ANKS1B: variants seen among roughly 807,000 people sequenced by gnomAD.
The protein encoded by ANKS1B is ankyrin repeat and sterile alpha motif domain-containing protein 1B.
A neutral mutation model predicts 148.3 loss-of-function variants in ANKS1B; 36 were observed. That is an observed-to-expected ratio of 0.24 (90% CI 0.19 to 0.32). The LOEUF (loss-of-function observed/expected upper bound fraction) is 0.32, where lower values mean the gene tolerates loss of function less well. Ranked by LOEUF, ANKS1B falls within the 10% of genes least tolerant of loss-of-function variation. ANKS1B has a pLI of 1.00. For synonymous variants in ANKS1B, 542 were observed against 560.8 expected (o/e 0.97, Z 0.47); for missense variants, 1,157 against 1,542.6 (o/e 0.75, Z 4.19).
chr12:98,940,549 C>T (rs1478810434), intron 17 of ANKS1B, among the ~76,000 whole-genome samples: 1 of 152,158 alleles, frequency 6.6e-6, no homozygotes, highest in East Asian at 1.9e-4. Context: ...GTGCTTGTCT[C>T]TACCAGCACT....
At chr12:99,794,881 C>T (rs181192776) in intron 4 of ANKS1B, among the ~76,000 whole-genome samples, 2 of 151,942 alleles carry the variant, frequency 1.3e-5, no homozygotes, top group Admixed American at 6.6e-5. Context: ...GGGATGGATA[C>T]TCAATTTTCC....
chr12:99,592,495 T>C (rs970462145), intron 9 of ANKS1B, among the ~76,000 whole-genome samples: 1 of 143,118 alleles, frequency 7.0e-6, no homozygotes, highest in Non-Finnish European at 1.5e-5. Flanking sequence ...AAAAAAAAGG[T>C]GAAAAGAATT....
At chr12:99,819,167 G>C (rs1356554631) in intron 2 of ANKS1B, among the ~76,000 whole-genome samples, 1 of 151,696 alleles carries the variant, frequency 6.6e-6, no homozygotes, top group Non-Finnish European at 1.5e-5. Context: ...CTCTTTAATG[G>C]GAATAAAGTT....
At chr12:99,414,344 T>TTAGA (rs1037835635) in intron 11 of ANKS1B, among the ~76,000 whole-genome samples, 2 of 152,184 alleles carry the variant, frequency 1.3e-5, no homozygotes, top group African/African-American at 4.8e-5. Context: ...CTTTCCCTTC[T>TTAGA]TAGACATCAC....
rs1007135965 is a variant in ANKS1B, at chr12:98,874,021, T to C, written c.2779-41885A>G. On this transcript the variant is annotated intron_variant, in intron 17 of 26. Transcript: ENST00000683438. ...ATGACTTGGAAACACTGTGAAAAGA[T>C]GGCTTCAGATAATGGGCCATTATCT... is the stretch of plus-strand genomic sequence containing the variant. 4.6e-5 allele frequency among the ~76,000 whole-genome samples: 7 copies of C among 152,296 alleles called. No individual in the cohort carries two copies. In the South Asian group the frequency reaches 1.0e-3, roughly 23 times the overall value.
intron 9 of ANKS1B, among the ~76,000 whole-genome samples, chr12:99,511,704 C>T (rs983604055): frequency 3.9e-5 from 6 of 152,004 alleles, no homozygotes; most frequent in Non-Finnish European, 7.4e-5. Context: ...GAACTGGTGA[C>T]AAAAACAGAC....
intron 17 of ANKS1B, among the ~76,000 whole-genome samples, chr12:98,891,058 C>A (rs2099751615): frequency 6.6e-6 from 1 of 152,174 alleles, no homozygotes; most frequent in Non-Finnish European, 1.5e-5. Flanking sequence ...CAGTTTAGTA[C>A]ATTAATTCCA....
At chr12:99,130,231 A>T (rs1219765609) in intron 15 of ANKS1B, among the ~76,000 whole-genome samples, 1 of 152,214 alleles carries the variant, frequency 6.6e-6, no homozygotes, top group Non-Finnish European at 1.5e-5. Context: ...ATTTCTTAAC[A>T]TATGATTTTG....
In ANKS1B at chr12:98,773,293, C is replaced by CT. The variant is rs1404834513; in HGVS notation, c.3442-115dup. 12 of 1,180,120 alleles carry CT rather than the reference C, an allele frequency of 1.0e-5. No homozygotes were observed. The African/African-American group carries it at 1.2e-4, about 12-fold the overall frequency. 73.1% of individuals were successfully genotyped at this position (1,180,120 alleles called of 1,614,324 possible). On this transcript the variant is annotated intron_variant, in intron 24 of 26. Coordinates refer to ENST00000683438, the MANE Select transcript of ANKS1B (RefSeq NM_001352186.2). ...TTCCTTCTTTCTGGAGTGTTCTAGACTAGCAACACTCAAAGTGGTCCACTA... is the reference window on the plus strand; with the variant it reads ...TTCCTTCTTTCTGGAGTGTTCTAGACTTAGCAACACTCAAAGTGGTCCACTA...
chr12:99,436,456 T>C (rs2095462384), intron 11 of ANKS1B, among the ~76,000 whole-genome samples: 1 of 152,078 alleles, frequency 6.6e-6, no homozygotes, highest in Non-Finnish European at 1.5e-5. Flanking sequence ...TTGAAGTTCT[T>C]TTTATTCCTT....
At chr12:98,798,243 T>C (rs2098968425) in intron 22 of ANKS1B, among the ~76,000 whole-genome samples, 1 of 151,862 alleles carries the variant, frequency 6.6e-6, no homozygotes, top group African/African-American at 2.4e-5. Flanking sequence ...TGCCTCAGCC[T>C]CCCAAGTAGC....
intron 17 of ANKS1B, among the ~76,000 whole-genome samples, chr12:98,957,416 C>T (rs778541180): frequency 4.0e-5 from 6 of 151,758 alleles, no homozygotes; most frequent in Non-Finnish European, 5.9e-5. Flanking sequence ...GGCGTGATCT[C>T]GGTTCACTGC....
intron 12 of ANKS1B, among the ~76,000 whole-genome samples, chr12:99,265,549 G>A (rs997301102): frequency 5.3e-5 from 8 of 152,146 alleles, no homozygotes; most frequent in African/African-American, 1.4e-4. Flanking sequence ...CACGAGTTAG[G>A]AGAGGATCAG....
At chr12:99,556,407 TG>T (rs1050032776) in intron 9 of ANKS1B, among the ~76,000 whole-genome samples, 1 of 151,912 alleles carries the variant, frequency 6.6e-6, no homozygotes, top group East Asian at 1.9e-4. Flanking sequence ...TGATTTTTTT[TG>T]GGGGGGAGCA....
intron 12 of ANKS1B, among the ~76,000 whole-genome samples, chr12:99,249,182 A>C (rs1219812465): frequency 6.6e-6 from 1 of 152,176 alleles, no homozygotes; most frequent in Non-Finnish European, 1.5e-5. Flanking sequence ...GTTGCTGAAG[A>C]AGGATAAAAG....
At chr12:99,794,303 A>G (rs1019556062) in intron 4 of ANKS1B, among the ~76,000 whole-genome samples, 1 of 152,070 alleles carries the variant, frequency 6.6e-6, no homozygotes, top group Admixed American at 6.6e-5. Context: ...CAAATGATCC[A>G]GCAATCCCAC....
Position 99,445,284 on chromosome 12 carries a change from A to C in ANKS1B, c.1439-1475T>G, listed in dbSNP as rs573602464. The stretch of plus-strand genomic sequence containing the variant: ...ACATGTAAGAACACTTATTTGGGGC[A>C]ACTATGAGTCAAATATTATGTTATG... On this transcript the variant is annotated intron_variant, in intron 10 of 26. Transcript: ENST00000683438. Among the ~76,000 whole-genome samples the C allele has an allele frequency of 6.6e-5, 10 of 152,148 alleles. No individual in the cohort carries two copies. The South Asian group carries it at 2.1e-3, about 31-fold the overall frequency.
intron 1 of ANKS1B, among the ~76,000 whole-genome samples, chr12:99,894,613 A>G (rs990480725): frequency 1.4e-5 from 2 of 140,442 alleles, no homozygotes; most frequent in Non-Finnish European, 3.3e-5. Context: ...AGAGGCCTTC[A>G]ACAGAAACTA....
At chr12:98,946,939 CAAAAAAAAA>C (rs57197334) in intron 17 of ANKS1B, among the ~76,000 whole-genome samples, 3 of 41,558 alleles carry the variant, frequency 7.2e-5, no homozygotes, top group African/African-American at 1.8e-4. Context: ...GATCTTTTCT[CAAAAAAAAA>C]AAAAAAAAAA....
Sources: gnomAD v4.1 joint callset for allele counts (sites outside exome capture counted in the v4.1 genomes callset) on GRCh38, gnomAD v4.1.1 for gene constraint, MANE v1.5 for transcripts, NCBI Gene and HGNC (gene_info 2026-07-23, HGNC 2026-07-21) for gene names.